The following SMC4 variants were observed in gnomAD, a reference collection of about 807,000 sequenced individuals.
SMC4 encodes structural maintenance of chromosomes 4.
Under a neutral mutation model 145.6 loss-of-function variants are expected in SMC4, and 87 were observed. That is an observed-to-expected ratio of 0.60 (90% CI 0.50 to 0.71). SMC4 has a LOEUF of 0.71. Among genes scored for constraint, SMC4 ranks in the 30% least tolerant of loss-of-function variants. The pLI is 0.00. For synonymous variants in SMC4, 558 were observed against 500.7 expected (o/e 1.11, Z -1.53); for missense variants, 1,447 against 1,537.1 (o/e 0.94, Z 0.98).
chr3:160,424,134 G>A (rs980760012), intron 15 of SMC4, among the ~76,000 whole-genome samples: 1 of 151,360 alleles, frequency 6.6e-6, no homozygotes, highest in Non-Finnish European at 1.5e-5. Flanking sequence ...ATTTATTGGG[G>A]TTTTTTTTGT....
intron 5 of SMC4, among the ~76,000 whole-genome samples, chr3:160,411,280 G>T (rs1715964598): frequency 1.3e-5 from 2 of 152,138 alleles, no homozygotes; most frequent in African/African-American, 2.4e-5. Context: ...TGGTCTGTTT[G>T]ATTTCTGTTA....
intron 8 of SMC4, 93 bp downstream of exon 8, chr3:160,413,706 A>C (rs937780759): frequency 9.1e-6 from 7 of 767,398 alleles, no homozygotes; most frequent in Admixed American, 3.9e-5. Context: ...TTGTGAGTGT[A>C]AGACATTTGC....
At position 160,432,270 on chromosome 3, in the gene SMC4, A is replaced by C. The variant is rs374543427; in HGVS notation, c.3298-13A>C. The C allele has an allele frequency of 3.9e-6, 6 of 1,526,234 alleles. No homozygotes were observed. The highest frequency in any genetic ancestry group is 4.5e-6 in the Non-Finnish European group (5 of 1,113,638). 94.5% of individuals were successfully genotyped at this position (1,526,234 alleles called of 1,614,324 possible). A position where few individuals can be genotyped will look rare whatever the true frequency, so the allele number is the denominator to read the frequency against. On this transcript the variant is annotated splice_polypyrimidine_tract_variant and intron_variant, in intron 21 of 23. Transcript: ENST00000357388. Reference sequence around the variant, plus strand: ...TATCTGAATAGATTTTCCCTATCATAATCTTTTCACAGGAAGAATTGTATT... The same window carrying C: ...TATCTGAATAGATTTTCCCTATCATCATCTTTTCACAGGAAGAATTGTATT...
At chr3:160,411,868 T>C in intron 5 of SMC4, 52 bp from the exon 6 acceptor site, 1 of 1,495,390 alleles carries the variant, frequency 6.7e-7, no homozygotes, top group Non-Finnish European at 9.1e-7. Context: ...TCACTTAAGA[T>C]TGATTTAGCT....
Position 160,426,062 on chromosome 3 carries a change from A to G in SMC4, c.2479-12A>G, listed in dbSNP as rs374179234. 1.1e-5 allele frequency: 18 copies of G among 1,568,712 alleles called. No homozygotes were observed. The highest frequency in any genetic ancestry group is 1.6e-5 in the Non-Finnish European group (18 of 1,161,086). ...TAAAATATTGACCTTAAATGTTAAA[A>G]CTTTTTTGTAGCGTTTAATAGAGCA... On this transcript the variant is annotated splice_polypyrimidine_tract_variant and intron_variant, in intron 16 of 23. Transcript: ENST00000357388.
At chr3:160,404,051 C>A (rs10936201) in intron 4 of SMC4, 72,099 of 320,986 alleles carry the variant, frequency 0.22, 8,843 homozygotes, top group Non-Finnish European at 0.25. Context: ...CAATCATAAA[C>A]GTTTTTAGGC....
rs567048910 is a variant in SMC4 at position 160,413,065 on chromosome 3, C to T, written c.981-408C>T. The stretch of plus-strand genomic sequence containing the variant: ...CCTCCCACCTCCACTTCATGAGTAG[C>T]TGGGACTACAGGGCACACACCAACA... On this transcript the variant is annotated intron_variant, in intron 7 of 23. Coordinates refer to ENST00000357388, the MANE Select transcript of SMC4 (RefSeq NM_001002800.3). Among the ~76,000 whole-genome samples the T allele has an allele frequency of 1.2e-4, 18 of 152,214 alleles. No individual in the cohort carries two copies. The South Asian group carries it at 3.5e-3, about 30-fold the overall frequency.
At position 160,430,618 on chromosome 3, in the gene SMC4, G is replaced by A. The variant is rs1718297275; in HGVS notation, c.2815G>A (p.Asp939Asn). ...TADRNLQKAQ[D>N]SVLRTEKEIK... is the part of the protein sequence containing the mutation. Reference sequence around the variant, plus strand: ...CTTTAGAAACCTTCAAAAGGCACAAGACTCTGTCTTGCGTACAGAGAAAGA... The same window carrying A: ...CTTTAGAAACCTTCAAAAGGCACAAAACTCTGTCTTGCGTACAGAGAAAGA... Residue 939 changes from aspartate (D) to asparagine (N), a missense_variant, in exon 19 of 24, where the codon GAC (aspartate) becomes AAC (asparagine). Physicochemically the swap from Asp to Asn is conservative, Grantham distance 23. Coordinates refer to ENST00000357388, the MANE Select transcript of SMC4 (RefSeq NM_001002800.3). 6.2e-7 allele frequency: 1 copy of A among 1,607,600 alleles called. No individual in the cohort carries two copies. The highest frequency in any genetic ancestry group is 2.2e-5 in the East Asian group (1 of 44,574).
In SMC4 at chr3:160,431,210, G is replaced by A. The variant is rs1171401049; in HGVS notation, c.3114+5G>A. 1 of 1,566,982 alleles carries A rather than the reference G, an allele frequency of 6.4e-7. No homozygotes were observed. The highest frequency in any genetic ancestry group is 1.4e-5 in the African/African-American group (1 of 71,958). Reference sequence around the variant, plus strand: ...ATAAAATATTGGCACAAAGAGGTGAGATTGTTACCGTTTAGTTTAATTTTA... The same window carrying A: ...ATAAAATATTGGCACAAAGAGGTGAAATTGTTACCGTTTAGTTTAATTTTA... On this transcript the variant is annotated splice_donor_5th_base_variant and intron_variant, in intron 20 of 23. Transcript: ENST00000357388.
chr3:160,417,689 T>A (rs750571576), intron 10 of SMC4, 34 bp from the exon 11 acceptor site: 1 of 1,492,594 alleles, frequency 6.7e-7, no homozygotes, highest in Non-Finnish European at 9.2e-7. Context: ...AAAGTAAATA[T>A]CTGTCCAGAT....
At chr3:160,401,562 ACCT>A (rs958515199) in intron 2 of SMC4, among the ~76,000 whole-genome samples, 1 of 152,136 alleles carries the variant, frequency 6.6e-6, no homozygotes, top group Non-Finnish European at 1.5e-5. Context: ...TTAGGATTTA[ACCT>A]CCTGTTTAGG....
At chr3:160,413,337 C>A in intron 7 of SMC4, 136 bp from the exon 8 acceptor site, 1 of 810,454 alleles carries the variant, frequency 1.2e-6, no homozygotes, top group South Asian at 1.8e-5. Flanking sequence ...GGGATTTTCC[C>A]CTCATAGCCT....
chr3:160,426,047 A>C (rs555565428), intron 16 of SMC4, 27 bp from the exon 17 acceptor site: 1 of 1,526,308 alleles, frequency 6.6e-7, no homozygotes, highest in Admixed American at 2.2e-5. Flanking sequence ...TAAAATATTG[A>C]CCTTAAATGT....
At chr3:160,400,618 A>C in intron 1 of SMC4, 1 of 547,540 alleles carries the variant, frequency 1.8e-6, no homozygotes, top group Non-Finnish European at 3.0e-6. Flanking sequence ...AGATTTTCCC[A>C]CTTACATAGG....
chr3:160,419,361 G>T lies in SMC4; in HGVS notation c.1675G>T (p.Glu559Ter). Reference sequence around the variant, plus strand: ...TTCATTTTATTTTCACTTTTAGAAAGAAAAAGAACTTCAAAAACTTACACA... The same window carrying T: ...TTCATTTTATTTTCACTTTTAGAAATAAAAAGAACTTCAAAAACTTACACA... ...PQTEQELKEK[E>*]KELQKLTQEE... Residue 559 changes from glutamate to a stop codon, truncating the protein, a stop_gained, in exon 12 of 24, where the codon GAA becomes TAA. Transcript: ENST00000357388. LOFTEE classifies it high-confidence loss of function. 1 of 1,580,674 alleles carries T rather than the reference G, an allele frequency of 6.3e-7. No homozygotes were observed. The highest frequency in any genetic ancestry group is 8.6e-7 in the Non-Finnish European group (1 of 1,167,640).
chr3:160,419,575 C>T (rs374218280), intron 12 of SMC4, 32 bp downstream of exon 12: 17 of 1,317,796 alleles, frequency 1.3e-5, no homozygotes, highest in East Asian at 2.8e-5. Flanking sequence ...CATGGCTTTA[C>T]TTTTTTTTTT....
At chr3:160,414,825 C>T (rs774449510) in intron 9 of SMC4, among the ~76,000 whole-genome samples, 4 of 152,070 alleles carry the variant, frequency 2.6e-5, no homozygotes, top group Non-Finnish European at 5.9e-5. Flanking sequence ...CCTCAGCCTC[C>T]CAAAGTAACG....
At chr3:160,423,309 T>C (rs1717380993) in intron 13 of SMC4, 116 bp from the exon 14 acceptor site, 2 of 765,474 alleles carry the variant, frequency 2.6e-6, no homozygotes, top group Non-Finnish European at 4.2e-6. Flanking sequence ...GAACCTTTTG[T>C]GTATAATTCT....
chr3:160,423,922 G>A, intron 15 of SMC4, 82 bp downstream of exon 15: 2 of 1,056,506 alleles, frequency 1.9e-6, no homozygotes, highest in Middle Eastern at 2.9e-4. Flanking sequence ...ACAAAATTTG[G>A]CCATTTTAAG....
Sources: gnomAD v4.1 joint callset for allele counts (sites outside exome capture counted in the v4.1 genomes callset) on GRCh38, gnomAD v4.1.1 for gene constraint, MANE v1.5 for transcripts, NCBI Gene and HGNC (gene_info 2026-07-23, HGNC 2026-07-21) for gene names.